ZCRB1: variants seen among roughly 807,000 people sequenced by gnomAD.
The protein encoded by ZCRB1 is zinc finger CCHC-type and RNA-binding motif-containing protein 1.
In ZCRB1, 21 loss-of-function variants were observed where a neutral mutation model predicts 29.9. The observed-to-expected ratio is 0.70, with a 90% CI of 0.50 to 1.01. ZCRB1 has a LOEUF of 1.01. Ranked by LOEUF, ZCRB1 falls within the 50% of genes least tolerant of loss-of-function variation. The probability of loss-of-function intolerance (pLI) is 0.00; values close to 1 mark genes in which losing one functional copy is unlikely to be tolerated. For synonymous variants in ZCRB1, 77 were observed against 80.0 expected (o/e 0.96, Z 0.20); for missense variants, 204 against 253.3 (o/e 0.81, Z 1.32).
chr12:42,324,040 CA>C lies in ZCRB1; in HGVS notation c.62del (p.Leu21ArgfsTer17), dbSNP rs766310399. On this transcript the variant is annotated frameshift_variant, in exon 2 of 8. Transcript: ENST00000266529. LOFTEE classifies it high-confidence loss of function. Reference protein sequence around the residue: ...TVYVSNLPFSLTNNDLYRIFS... With the variant: ...TVYVSNLPFSXTNNDLYRIFS... ...TTACCCGGTACAAGTCATTGTTTGT[CA>C]GGGAAAAAGGCAAGTTGGATACATA... The C allele has an allele frequency of 6.2e-7, 1 of 1,614,046 alleles. No homozygotes were observed. Among genetic ancestry groups the C allele is most frequent in the South Asian group, 1.1e-5 (1 of 91,080 alleles).
chr12:42,325,153 A>G (rs2068681130), intron 1 of ZCRB1, among the ~76,000 whole-genome samples: 1 of 152,236 alleles, frequency 6.6e-6, no homozygotes, highest in African/African-American at 2.4e-5. Flanking sequence ...GGTACAATGT[A>G]TTACACTCTT....
intron 3 of ZCRB1, among the ~76,000 whole-genome samples, chr12:42,321,236 T>C (rs2068619794): frequency 6.6e-6 from 1 of 152,214 alleles, no homozygotes; most frequent in Admixed American, 6.5e-5. Context: ...TTTAGGACTA[T>C]ATATTTATAT....
intron 5 of ZCRB1, 136 bp from the exon 6 acceptor site, chr12:42,314,122 AT>A: frequency 1.3e-6 from 1 of 785,838 alleles, no homozygotes; most frequent in Non-Finnish European, 1.9e-6. Flanking sequence ...TACAGAAGAC[AT>A]TAATGATAAA....
At chr12:42,317,274 AT>A in intron 5 of ZCRB1, 65 bp downstream of exon 5, 1 of 1,194,840 alleles carries the variant, frequency 8.4e-7, no homozygotes. Context: ...GTGAGCAAAA[AT>A]AAAAGACTGA....
chr12:42,324,193 G>A, intron 1 of ZCRB1, 89 bp from the exon 2 acceptor site: 3 of 1,253,324 alleles, frequency 2.4e-6, no homozygotes, highest in South Asian at 1.2e-5. Context: ...TTGTTGCCCA[G>A]GCTGGGGTGC....
At position 42,323,993 on chromosome 12, in the gene ZCRB1, G is replaced by A. The variant is rs142456999; in HGVS notation, c.84+26C>T. The A allele has an allele frequency of 1.2e-3, 1,819 of 1,573,302 alleles. 17 individuals are homozygous for A. The African/African-American group carries it at 0.022, about 19-fold the overall frequency. Reference sequence around the variant, plus strand: ...CTTAAGGTTATCTGTATCTCAAATAGCAGTCACTCGATAAGATTTACTTAC... The same window carrying A: ...CTTAAGGTTATCTGTATCTCAAATAACAGTCACTCGATAAGATTTACTTAC... On this transcript the variant is annotated intron_variant, in intron 2 of 7. Transcript: ENST00000266529.
Position 42,324,114 on chromosome 12 carries a change from AAAAC to A in ZCRB1, c.-2-14_-2-11del. On this transcript the variant is annotated splice_polypyrimidine_tract_variant and intron_variant, in intron 1 of 7. Coordinates refer to ENST00000266529, the MANE Select transcript of ZCRB1 (RefSeq NM_033114.4). ...AATCCACCACTCATTTCTAAAAGTG[AAAAC>A]AAACTTATCAGCAATCAGTCTAAAC... 1 of 1,611,854 alleles carries A rather than the reference AAAAC, an allele frequency of 6.2e-7. No homozygotes were observed. The highest frequency in any genetic ancestry group is 8.5e-7 in the Non-Finnish European group (1 of 1,177,954).
At chr12:42,324,210 G>A (rs1204230422) in intron 1 of ZCRB1, 106 bp from the exon 2 acceptor site, 14 of 989,452 alleles carry the variant, frequency 1.4e-5, no homozygotes, top group Admixed American at 7.8e-5. Context: ...GTGCAATGGC[G>A]TGATCTCGGC....
chr12:42,323,171 G>A (rs2068629866), intron 2 of ZCRB1, among the ~76,000 whole-genome samples: 2 of 151,944 alleles, frequency 1.3e-5, no homozygotes, highest in Non-Finnish European at 2.9e-5. Context: ...GAATTTTTTC[G>A]TTCTATGATT....
Position 42,313,885 on chromosome 12 carries a change from T to C in ZCRB1, c.435A>G (p.Pro145=). The C allele has an allele frequency of 6.3e-7, 1 of 1,599,196 alleles. No individual in the cohort carries two copies. The highest frequency in any genetic ancestry group is 1.4e-5 in the African/African-American group (1 of 73,682). Residue 145 remains proline (P), a synonymous_variant, in exon 6 of 8, where the codon CCA becomes CCG. Coordinates refer to ENST00000266529, the MANE Select transcript of ZCRB1 (RefSeq NM_033114.4). ...AATAATATACATACATTTCTTCTTC[T>C]GGTTCAGGAGCTTTCTTTTTTTTCT... The part of the protein sequence containing the change: ...EKKKKKKAPE[P]EEEIEEVEES...
At chr12:42,314,525 T>C (rs1008309629) in intron 5 of ZCRB1, among the ~76,000 whole-genome samples, 4 of 148,456 alleles carry the variant, frequency 2.7e-5, no homozygotes, top group African/African-American at 1.0e-4. Flanking sequence ...GAGGTTGCAG[T>C]GAGCTGAGAT....
chr12:42,312,399 G>A lies in ZCRB1; in HGVS notation c.*668C>T, dbSNP rs1592100799. On this transcript the variant is annotated 3_prime_UTR_variant, in exon 8 of 8. Coordinates refer to ENST00000266529, the MANE Select transcript of ZCRB1 (RefSeq NM_033114.4). ...ATATTCCTTGGCTCAGAAATGAAAA[G>A]TATTTACTTGGTTATTAAAAAAGAT... 6.6e-6 allele frequency: 1 copy of A among 152,048 alleles called. No homozygotes were observed. The highest frequency in any genetic ancestry group is 2.1e-4 in the South Asian group (1 of 4,834). 9.4% of individuals were successfully genotyped at this position (152,048 alleles called of 1,614,324 possible).
intron 3 of ZCRB1, 149 bp from the exon 4 acceptor site, chr12:42,318,047 A>G (rs2068603320): frequency 3.2e-6 from 2 of 622,390 alleles, no homozygotes; most frequent in East Asian, 5.8e-5. Context: ...GTCAAGGGAT[A>G]TCAAGAATGG....
At chr12:42,321,190 A>G (rs923216065) in intron 3 of ZCRB1, among the ~76,000 whole-genome samples, 17 of 152,176 alleles carry the variant, frequency 1.1e-4, no homozygotes, top group African/African-American at 3.4e-4. Flanking sequence ...AGGTGCTTAT[A>G]ACTCTCGTGT....
At position 42,312,206 on chromosome 12, in the gene ZCRB1, A is replaced by G. The variant is rs748132184; in HGVS notation, c.*861T>C. On this transcript the variant is annotated 3_prime_UTR_variant, in exon 8 of 8. Transcript: ENST00000266529. ...TTAAAAAAGTAATGGGCATTCTTAC[A>G]AAGTTAAACAATATAGAAATATACA... is the stretch of plus-strand genomic sequence containing the variant. 2 of 152,184 alleles carry G rather than the reference A, an allele frequency of 1.3e-5. No homozygotes were observed. Among genetic ancestry groups the G allele is most frequent in the Non-Finnish European group, 2.9e-5 (2 of 68,030 alleles). 9.4% of individuals were successfully genotyped at this position (152,184 alleles called of 1,614,324 possible). A position where few individuals can be genotyped will look rare whatever the true frequency, so the allele number is the denominator to read the frequency against.
Position 42,312,980 on chromosome 12 carries a change from ATTAAT to A in ZCRB1, c.*82_*86del. On this transcript the variant is annotated 3_prime_UTR_variant, in exon 8 of 8. Coordinates refer to ENST00000266529, the MANE Select transcript of ZCRB1 (RefSeq NM_033114.4). ...ACAATAATAGTATTAACATGATAGT[ATTAAT>A]TTTTCTTATTTTTATTAAAATTAGC... 1.6e-6 allele frequency: 2 copies of A among 1,272,034 alleles called. No homozygotes were observed. The highest frequency in any genetic ancestry group is 2.1e-6 in the Non-Finnish European group (2 of 965,610). The allele number at this position is 1,272,034 out of a possible 1,614,324, so 78.8% of individuals were successfully genotyped here.
At chr12:42,325,799 A>G (rs2068708278) in intron 1 of ZCRB1, 125 bp downstream of exon 1, 1 of 152,282 alleles carries the variant, frequency 6.6e-6, no homozygotes, top group Admixed American at 6.5e-5. Flanking sequence ...AGAGCCGCGA[A>G]GGCAGGCAGA....
rs761704622 is a variant in ZCRB1 at position 42,313,122 on chromosome 12, C to T, written c.599G>A (p.Arg200His). Residue 200 changes from arginine (R) to histidine (H), a missense_variant, in exon 8 of 8, where the codon CGC becomes CAC. Coordinates refer to ENST00000266529, the MANE Select transcript of ZCRB1 (RefSeq NM_033114.4). ...ATATGTGCTTTTCTTTATCCTTGGG[C>T]GTCTTGAATCATCTGATGTTGAGGG... ...GVPSTSDDSRRPRIKKSTYFS... is the reference protein window; with the variant it reads ...GVPSTSDDSRHPRIKKSTYFS... 11 of 1,611,596 alleles carry T rather than the reference C, an allele frequency of 6.8e-6. No individual in the cohort carries two copies. In the South Asian group the frequency reaches 7.7e-5, roughly 11 times the overall value.
chr12:42,319,630 T>C (rs78627722), intron 3 of ZCRB1, among the ~76,000 whole-genome samples: 2,724 of 152,316 alleles, frequency 0.018, 93 homozygotes, highest in African/African-American at 0.063. Flanking sequence ...GGTCAATGTG[T>C]CAGTTTCTAA....
Sources: gnomAD v4.1 joint callset for allele counts (sites outside exome capture counted in the v4.1 genomes callset) on GRCh38, gnomAD v4.1.1 for gene constraint, MANE v1.5 for transcripts, NCBI Gene and HGNC (gene_info 2026-07-23, HGNC 2026-07-21) for gene names.